The following SGCZ variants were observed in gnomAD, a reference collection of about 807,000 sequenced individuals.
SGCZ encodes zeta-sarcoglycan.
A neutral mutation model predicts 41.3 loss-of-function variants in SGCZ; 40 were observed. That is an observed-to-expected ratio of 0.97 (90% CI 0.75 to 1.26). The LOEUF (loss-of-function observed/expected upper bound fraction) is 1.26, where lower values mean the gene tolerates loss of function less well. Among genes scored for constraint, SGCZ ranks in the 50% most tolerant of loss-of-function variants. The pLI is 0.00. For missense variants in SGCZ, 552 were observed against 369.8 expected, an observed-to-expected ratio of 1.49 and a Z score of -4.04; for synonymous variants, 206 against 137.5, an observed-to-expected ratio of 1.50 and a Z score of -3.49.
At chr8:14,420,375 A>G (rs538501040) in intron 2 of SGCZ, among the ~76,000 whole-genome samples, 2 of 152,196 alleles carry the variant, frequency 1.3e-5, no homozygotes, top group African/African-American at 4.8e-5. Context: ...TGCTATTTGC[A>G]ACAAAGTCTG....
chr8:14,388,294 A>T (rs917649613), intron 2 of SGCZ, among the ~76,000 whole-genome samples: 1 of 152,138 alleles, frequency 6.6e-6, no homozygotes, highest in African/African-American at 2.4e-5. Context: ...TGGAACAGGA[A>T]ATGAAGATAT....
chr8:14,090,543 A>C lies in SGCZ; in HGVS notation c.839T>G (p.Val280Gly), dbSNP rs1801656548. The change falls in exon 8 of 8, where the codon GTG becomes GGG. Residue 280 changes from valine to glycine, a missense_variant. By Grantham distance (109) the Val-to-Gly change is moderately radical. Coordinates refer to ENST00000382080, the MANE Select transcript of SGCZ (RefSeq NM_139167.4). Reference protein sequence around the residue: ...SPSSSSSRQTVYELCVCPNGK... With the variant: ...SPSSSSSRQTGYELCVCPNGK... ...ATTGGGGCAGACGCAGAGTTCATACACTGTCTGTCGAGAACTTGAGGAGCT... is the reference window on the plus strand; with the variant it reads ...ATTGGGGCAGACGCAGAGTTCATACCCTGTCTGTCGAGAACTTGAGGAGCT... 6.2e-7 allele frequency: 1 copy of C among 1,612,982 alleles called. No individual in the cohort carries two copies. The highest frequency in any genetic ancestry group is 1.3e-5 in the African/African-American group (1 of 74,834).
intron 7 of SGCZ, among the ~76,000 whole-genome samples, chr8:14,100,748 T>C (rs1039996153): frequency 4.0e-5 from 6 of 151,770 alleles, no homozygotes; most frequent in African/African-American, 1.5e-4. Flanking sequence ...TTACAATTCA[T>C]CTTGAATTAA....
chr8:14,980,400 T>A (rs1208240529), intron 1 of SGCZ, among the ~76,000 whole-genome samples: 2 of 152,176 alleles, frequency 1.3e-5, no homozygotes, highest in Non-Finnish European at 2.9e-5. Context: ...AGGGTCTAAT[T>A]TTTTATTACA....
chr8:14,935,123 A>G (rs1379070788), intron 1 of SGCZ, among the ~76,000 whole-genome samples: 2 of 151,652 alleles, frequency 1.3e-5, no homozygotes, highest in African/African-American at 4.8e-5. Flanking sequence ...GTGCAAGTAT[A>G]AATTATATTT....
intron 1 of SGCZ, among the ~76,000 whole-genome samples, chr8:14,602,111 C>G (rs1805612820): frequency 6.6e-6 from 1 of 151,568 alleles, no homozygotes; most frequent in Non-Finnish European, 1.5e-5. Flanking sequence ...CAGAGCGAGT[C>G]TCCGTCTGAA....
chr8:15,014,351 T>C (rs1802945295), intron 1 of SGCZ, among the ~76,000 whole-genome samples: 1 of 152,222 alleles, frequency 6.6e-6, no homozygotes, highest in South Asian at 2.1e-4. Context: ...TGGTTTTATG[T>C]GTGGCCACAG....
At chr8:15,135,653 A>G (rs1481816490) in intron 1 of SGCZ, among the ~76,000 whole-genome samples, 1 of 152,178 alleles carries the variant, frequency 6.6e-6, no homozygotes, top group Non-Finnish European at 1.5e-5. Context: ...TATTTTGATT[A>G]AGGTAAGTAA....
intron 1 of SGCZ, among the ~76,000 whole-genome samples, chr8:14,876,743 G>C (rs1418068540): frequency 2.0e-5 from 3 of 152,106 alleles, no homozygotes; most frequent in Non-Finnish European, 4.4e-5. Context: ...AGAATTAAGA[G>C]AGAGGCAAGA....
chr8:14,460,243 T>C (rs1409569576), intron 2 of SGCZ, among the ~76,000 whole-genome samples: 2 of 152,152 alleles, frequency 1.3e-5, no homozygotes, highest in Admixed American at 6.5e-5. Context: ...CTACACATTT[T>C]GACAATTTAA....
chr8:14,725,395 T>C (rs1810016618), intron 1 of SGCZ, among the ~76,000 whole-genome samples: 1 of 152,310 alleles, frequency 6.6e-6, no homozygotes, highest in South Asian at 2.1e-4. Flanking sequence ...TCCTAGTTTT[T>C]TGAGGAACCG....
intron 1 of SGCZ, among the ~76,000 whole-genome samples, chr8:14,723,804 A>G (rs1324894339): frequency 6.6e-6 from 1 of 152,164 alleles, no homozygotes. Flanking sequence ...TACTATATGT[A>G]TATAATATAT....
At chr8:15,099,105 A>C (rs746649112) in intron 1 of SGCZ, among the ~76,000 whole-genome samples, 26 of 152,204 alleles carry the variant, frequency 1.7e-4, no homozygotes, top group Non-Finnish European at 3.5e-4. Context: ...TGCAGGTTTT[A>C]TTAAACCATG....
intron 1 of SGCZ, among the ~76,000 whole-genome samples, chr8:14,585,463 A>C (rs928130284): frequency 6.6e-6 from 1 of 152,032 alleles, no homozygotes; most frequent in African/African-American, 2.4e-5. Context: ...CAACTATTTC[A>C]ATACATTATG....
At chr8:14,832,720 C>G (rs1802574431) in intron 1 of SGCZ, among the ~76,000 whole-genome samples, 1 of 152,076 alleles carries the variant, frequency 6.6e-6, no homozygotes. Flanking sequence ...ATTCATAGAG[C>G]TGTATATTTA....
At chr8:14,312,790 C>A (rs1320350727) in intron 3 of SGCZ, among the ~76,000 whole-genome samples, 1 of 152,126 alleles carries the variant, frequency 6.6e-6, no homozygotes, top group Non-Finnish European at 1.5e-5. Context: ...TATGATATGG[C>A]TCCATGTTTC....
chr8:14,216,961 G>A (rs150837855), intron 4 of SGCZ, among the ~76,000 whole-genome samples: 1 of 152,214 alleles, frequency 6.6e-6, no homozygotes, highest in African/African-American at 2.4e-5. Context: ...TATTGGTAGT[G>A]ACCCAAGGCC....
intron 4 of SGCZ, among the ~76,000 whole-genome samples, chr8:14,200,875 A>T (rs1805433947): frequency 6.6e-6 from 1 of 152,182 alleles, no homozygotes; most frequent in African/African-American, 2.4e-5. Context: ...GCAGGAGAAA[A>T]TATTTGCAGA....
intron 1 of SGCZ, among the ~76,000 whole-genome samples, chr8:14,668,079 C>T (rs1807974226): frequency 6.6e-6 from 1 of 152,126 alleles, no homozygotes. Context: ...GCCTCAGCCT[C>T]CCGAGTGGCT....
Sources: allele counts gnomAD v4.1 joint callset (sites outside exome capture counted in the v4.1 genomes callset), GRCh38; gene constraint gnomAD v4.1.1; transcripts MANE v1.5; gene names NCBI Gene and HGNC (gene_info 2026-07-23, HGNC 2026-07-21).